CNTN4: variants seen among roughly 807,000 people sequenced by gnomAD.
The protein encoded by CNTN4 is contactin-4.
A neutral mutation model predicts 122.5 loss-of-function variants in CNTN4; 77 were observed. The observed-to-expected ratio is 0.63, with a 90% CI of 0.52 to 0.76. The LOEUF (loss-of-function observed/expected upper bound fraction) is 0.76. CNTN4 is among the 30% of genes least tolerant of loss of function. The probability of loss-of-function intolerance (pLI) is 0.00; values close to 1 mark genes in which losing one functional copy is unlikely to be tolerated. For missense variants in CNTN4, 1,256 were observed against 1,259.1 expected (o/e 1.00, Z 0.04); for synonymous variants, 512 against 447.0 (o/e 1.15, Z -1.83).
chr3:2,769,572 T>C (rs1043173555), intron 6 of CNTN4, among the ~76,000 whole-genome samples: 2 of 152,198 alleles, frequency 1.3e-5, no homozygotes, highest in African/African-American at 2.4e-5. Flanking sequence ...AAAAGTTCTG[T>C]CTTTTATGTA....
intron 4 of CNTN4, among the ~76,000 whole-genome samples, chr3:2,697,453 C>G (rs995324186): frequency 3.3e-5 from 5 of 152,138 alleles, no homozygotes; most frequent in Admixed American, 2.6e-4. Context: ...CAAACTTGTG[C>G]TGAATCTATG....
chr3:2,636,555 T>G (rs914926696), intron 4 of CNTN4, among the ~76,000 whole-genome samples: 3 of 152,198 alleles, frequency 2.0e-5, no homozygotes, highest in Non-Finnish European at 4.4e-5. Context: ...TCCTCCTTAA[T>G]GCATTTTTTT....
chr3:2,862,916 A>G (rs747721901), intron 7 of CNTN4, among the ~76,000 whole-genome samples: 4 of 152,190 alleles, frequency 2.6e-5, no homozygotes, highest in Non-Finnish European at 4.4e-5. Flanking sequence ...TTGGTTTCAA[A>G]TATGAAGAGC....
chr3:2,150,990 A>T (rs1436812979), intron 2 of CNTN4, among the ~76,000 whole-genome samples: 1 of 152,206 alleles, frequency 6.6e-6, no homozygotes, highest in Non-Finnish European at 1.5e-5. Context: ...AGTTGAGGAT[A>T]CAGGGATGAG....
At chr3:2,273,210 C>A (rs184763315) in intron 2 of CNTN4, among the ~76,000 whole-genome samples, 2 of 152,260 alleles carry the variant, frequency 1.3e-5, no homozygotes, top group Non-Finnish European at 1.5e-5. Context: ...AAATTATCTG[C>A]AAGATTATTC....
chr3:2,670,419 G>C (rs1481169002), intron 4 of CNTN4, among the ~76,000 whole-genome samples: 1 of 152,070 alleles, frequency 6.6e-6, no homozygotes, highest in Non-Finnish European at 1.5e-5. Context: ...TGCAACCCCT[G>C]CCTTTTTTTT....
At chr3:2,299,105 C>G (rs1385558992) in intron 2 of CNTN4, among the ~76,000 whole-genome samples, 1 of 152,052 alleles carries the variant, frequency 6.6e-6, no homozygotes, top group Non-Finnish European at 1.5e-5. Context: ...AGTAACTGTG[C>G]TAATATCCAG....
intron 14 of CNTN4, among the ~76,000 whole-genome samples, chr3:3,008,722 C>T (rs17024645): frequency 0.21 from 31,640 of 152,096 alleles, 3,476 homozygotes; most frequent in Middle Eastern, 0.29. Flanking sequence ...CCTTCTCAAA[C>T]GACCCAGATT....
intron 3 of CNTN4, among the ~76,000 whole-genome samples, chr3:2,524,696 C>G (rs1002771091): frequency 6.6e-6 from 1 of 150,568 alleles, no homozygotes; most frequent in Non-Finnish European, 1.5e-5. Context: ...TTGTCCATCT[C>G]CTCTGTCTTC....
chr3:2,808,683 G>A (rs1396680570), intron 6 of CNTN4, among the ~76,000 whole-genome samples: 1 of 152,168 alleles, frequency 6.6e-6, no homozygotes, highest in Non-Finnish European at 1.5e-5. Context: ...GAGTGGGTGG[G>A]AGAGTATTTA....
chr3:2,588,623 C>G (rs996855890), intron 4 of CNTN4, among the ~76,000 whole-genome samples: 1 of 151,942 alleles, frequency 6.6e-6, no homozygotes, highest in Non-Finnish European at 1.5e-5. Context: ...CCTCGGCCTC[C>G]CAAAGTGCTA....
chr3:2,301,984 A>G (rs764167444), intron 2 of CNTN4, among the ~76,000 whole-genome samples: 2 of 152,260 alleles, frequency 1.3e-5, no homozygotes, highest in Non-Finnish European at 2.9e-5. Context: ...GTTATTAATC[A>G]TACGTGTGTA....
intron 3 of CNTN4, among the ~76,000 whole-genome samples, chr3:2,486,061 G>A (rs757275699): frequency 3.3e-5 from 5 of 152,034 alleles, no homozygotes; most frequent in South Asian, 2.1e-4. Flanking sequence ...CATTCATCTC[G>A]AAGGTCTGCA....
intron 13 of CNTN4, among the ~76,000 whole-genome samples, chr3:2,948,148 C>T (rs2094698869): frequency 6.6e-6 from 1 of 152,170 alleles, no homozygotes; most frequent in Non-Finnish European, 1.5e-5. Context: ...TATAAAGGCA[C>T]TTTCATAGCT....
In CNTN4 at chr3:2,851,440, A is replaced by T. The variant is rs1577053649; in HGVS notation, c.455-15312A>T. Among the ~76,000 whole-genome samples the T allele has an allele frequency of 2.0e-5, 3 of 152,346 alleles. No homozygotes were observed. In the East Asian group the frequency reaches 5.8e-4, roughly 29 times the overall value. ...GTCTTACTCTGATGGCAGTTATCATAGATCAATTAAAACTCCTTTTTCCTC... is the reference window on the plus strand; with the variant it reads ...GTCTTACTCTGATGGCAGTTATCATTGATCAATTAAAACTCCTTTTTCCTC... On this transcript the variant is annotated intron_variant, in intron 7 of 24. Transcript: ENST00000418658.
intron 3 of CNTN4, among the ~76,000 whole-genome samples, chr3:2,456,959 C>T (rs1177837946): frequency 1.2e-4 from 19 of 152,008 alleles, no homozygotes; most frequent in Non-Finnish European, 2.9e-5. Flanking sequence ...TTCTCAGAAC[C>T]CTATGAGGTG....
At chr3:2,474,829 G>T (rs1294258634) in intron 3 of CNTN4, among the ~76,000 whole-genome samples, 1 of 152,088 alleles carries the variant, frequency 6.6e-6, no homozygotes, top group South Asian at 2.1e-4. Context: ...TGTAGTTTTA[G>T]AATTAATATT....
At chr3:2,272,899 A>G (rs1237145661) in intron 2 of CNTN4, among the ~76,000 whole-genome samples, 1 of 152,132 alleles carries the variant, frequency 6.6e-6, no homozygotes, top group Non-Finnish European at 1.5e-5. Context: ...CGCATGGTCA[A>G]ATCAAGCCCT....
chr3:2,185,852 A>G (rs73098015), intron 2 of CNTN4, among the ~76,000 whole-genome samples: 1 of 152,150 alleles, frequency 6.6e-6, no homozygotes, highest in Non-Finnish European at 1.5e-5. Context: ...TTTATGAGGC[A>G]TGTGGGACTC....
Sources: gnomAD v4.1 joint callset for allele counts (sites outside exome capture counted in the v4.1 genomes callset) on GRCh38, gnomAD v4.1.1 for gene constraint, MANE v1.5 for transcripts, NCBI Gene and HGNC (gene_info 2026-07-23, HGNC 2026-07-21) for gene names.